PLEKHG7: variants seen among roughly 807,000 people sequenced by gnomAD.
PLEKHG7 encodes the protein pleckstrin homology and RhoGEF domain containing G7.
PLEKHG7 carries 77 observed loss-of-function variants against 85.2 expected under a neutral mutation model. The observed-to-expected ratio is 0.90, with a 90% CI of 0.75 to 1.09. The LOEUF (loss-of-function observed/expected upper bound fraction) is 1.09. Ranked by LOEUF, PLEKHG7 falls within the 50% of genes least tolerant of loss-of-function variation. The pLI is 0.00. For synonymous variants in PLEKHG7, 301 were observed against 302.4 expected, an observed-to-expected ratio of 1.00 and a Z score of 0.05; for missense variants, 777 against 804.3, an observed-to-expected ratio of 0.97 and a Z score of 0.41.
rs568169624 is a variant in PLEKHG7, at chr12:92,748,241, C to G, written c.1251+2650C>G. Among the ~76,000 whole-genome samples, 3 of 134,580 alleles carry G rather than the reference C, an allele frequency of 2.2e-5. No individual in the cohort carries two copies. In the East Asian group the frequency reaches 7.4e-4, roughly 33 times the overall value. The allele number at this position is 134,580 out of a possible 152,430, so 88.3% of individuals were successfully genotyped here. A position where few individuals can be genotyped will look rare whatever the true frequency, so the allele number is the denominator to read the frequency against. ...TAGTAGAGGATAAGTGCTGTTATAA[C>G]ACATGATGCTTTTTTTTTTTTTTGA... On this transcript the variant is annotated intron_variant, in intron 10 of 16. Transcript: ENST00000344636.
At chr12:92,730,621 T>C (rs1267224743) in intron 4 of PLEKHG7, among the ~76,000 whole-genome samples, 1 of 152,212 alleles carries the variant, frequency 6.6e-6, no homozygotes, top group Non-Finnish European at 1.5e-5. Flanking sequence ...AGTTTCAACA[T>C]ATTGGTCAGG....
Position 92,764,207 on chromosome 12 carries a change from TTTCATTA to T in PLEKHG7, c.1870+18_1870+24del, listed in dbSNP as rs1282029955. On this transcript the variant is annotated intron_variant, in intron 15 of 16. Transcript: ENST00000344636. ...CTCCATGTGTCAGGTATGTGTCTAT[TTTCATTA>T]TTCAGCTCATCTGTTTGCCATCACA... 1 of 1,593,196 alleles carries T rather than the reference TTTCATTA, an allele frequency of 6.3e-7. No individual in the cohort carries two copies. Among genetic ancestry groups the T allele is most frequent in the African/African-American group, 1.3e-5 (1 of 74,246 alleles).
At chr12:92,729,657 G>A (rs745509936) in intron 4 of PLEKHG7, among the ~76,000 whole-genome samples, 1 of 152,132 alleles carries the variant, frequency 6.6e-6, no homozygotes, top group Non-Finnish European at 1.5e-5. Context: ...GGTCTTCAGA[G>A]TGTTTTCTTC....
chr12:92,760,331 T>C (rs1226096715), intron 13 of PLEKHG7, among the ~76,000 whole-genome samples: 1 of 152,108 alleles, frequency 6.6e-6, no homozygotes, highest in Non-Finnish European at 1.5e-5. Flanking sequence ...TTAATATGAT[T>C]TTTAAAAAAA....
chr12:92,716,749 A>G (rs1871502834), intron 3 of PLEKHG7, among the ~76,000 whole-genome samples: 1 of 152,218 alleles, frequency 6.6e-6, no homozygotes, highest in Non-Finnish European at 1.5e-5. Flanking sequence ...TAATTTCTAA[A>G]ACACTATATT....
chr12:92,727,927 G>GGTGA (rs1403793756), intron 3 of PLEKHG7, among the ~76,000 whole-genome samples: 2 of 84,980 alleles, frequency 2.4e-5, no homozygotes, highest in Admixed American at 1.5e-4. Flanking sequence ...GGTATTCTAT[G>GGTGA]GTGTGTGTGT....
chr12:92,765,298 G>A (rs1457894020), intron 15 of PLEKHG7, among the ~76,000 whole-genome samples: 1 of 149,682 alleles, frequency 6.7e-6, no homozygotes, highest in Non-Finnish European at 1.5e-5. Context: ...ACCAGCCTGG[G>A]CAACATAGTG....
intron 7 of PLEKHG7, among the ~76,000 whole-genome samples, chr12:92,738,414 T>C (rs1872245710): frequency 6.6e-6 from 1 of 152,128 alleles, no homozygotes; most frequent in Non-Finnish European, 1.5e-5. Context: ...CAGATCTGAG[T>C]TCAAGCCCTG....
At chr12:92,729,212 G>A in intron 4 of PLEKHG7, 92 bp downstream of exon 4, 1 of 1,204,944 alleles carries the variant, frequency 8.3e-7, no homozygotes, top group Admixed American at 4.2e-5. Flanking sequence ...TGAATAATTA[G>A]TAGAATATAT....
At chr12:92,746,839 G>A (rs1165882364) in intron 10 of PLEKHG7, among the ~76,000 whole-genome samples, 1 of 152,154 alleles carries the variant, frequency 6.6e-6, no homozygotes, top group Non-Finnish European at 1.5e-5. Context: ...GCAGAAGAAT[G>A]AAAGTAGACC....
rs573200760 is a variant in PLEKHG7 at position 92,736,562 on chromosome 12, C to T, written c.780C>T (p.Asp260=). Reference sequence around the variant, plus strand: ...AAATTACCAGCTTCAGGGGCTATGACTTCTACGGTCTTAAGGTATCTTTCA... The same window carrying T: ...AAATTACCAGCTTCAGGGGCTATGATTTCTACGGTCTTAAGGTATCTTTCA... ...SVKITSFRGY[D]FYGLKDKTWD... The change falls in exon 6 of 17, where the codon GAC becomes GAT. Residue 260 remains aspartate (D), a synonymous_variant. Coordinates refer to ENST00000344636, the MANE Select transcript of PLEKHG7 (RefSeq NM_001377329.1). 7.7e-5 allele frequency: 94 copies of T among 1,227,916 alleles called. No homozygotes were observed. The African/African-American group carries it at 1.2e-3, about 16-fold the overall frequency. The allele number at this position is 1,227,916 out of a possible 1,614,324, so 76.1% of individuals were successfully genotyped here.
At chr12:92,761,638 GA>G (rs551248942) in intron 13 of PLEKHG7, 113 bp from the exon 14 acceptor site, 144 of 519,420 alleles carry the variant, frequency 2.8e-4, no homozygotes, top group African/African-American at 1.5e-3. Flanking sequence ...AAGAAAGAAA[GA>G]AAGAAAGAAA....
chr12:92,768,434 A>G (rs1873283501), intron 15 of PLEKHG7, among the ~76,000 whole-genome samples: 1 of 152,052 alleles, frequency 6.6e-6, no homozygotes, highest in Non-Finnish European at 1.5e-5. Context: ...TTTACATTTC[A>G]CCCAGTTTGG....
intron 2 of PLEKHG7, chr12:92,707,386 G>A: frequency 1.4e-6 from 2 of 1,427,448 alleles, no homozygotes; most frequent in Non-Finnish European, 1.8e-6. Context: ...GAGAAAGGAT[G>A]CACCAAGGCC....
intron 7 of PLEKHG7, among the ~76,000 whole-genome samples, chr12:92,739,444 A>G (rs941254709): frequency 6.6e-6 from 1 of 152,172 alleles, no homozygotes; most frequent in African/African-American, 2.4e-5. Context: ...GGTAACAATA[A>G]ATGTTCACCG....
intron 3 of PLEKHG7, among the ~76,000 whole-genome samples, chr12:92,726,157 C>T (rs993925742): frequency 7.6e-4 from 115 of 152,242 alleles, no homozygotes; most frequent in African/African-American, 2.5e-3. Context: ...AAGGCTGACA[C>T]TCATATAGAA....
chr12:92,765,645 A>G (rs986138283), intron 15 of PLEKHG7, among the ~76,000 whole-genome samples: 1 of 151,220 alleles, frequency 6.6e-6, no homozygotes, highest in Admixed American at 6.6e-5. Context: ...AAAAAAAAAA[A>G]TAGTGAGGTA....
intron 5 of PLEKHG7, among the ~76,000 whole-genome samples, chr12:92,735,496 A>G (rs187721520): frequency 5.3e-4 from 81 of 152,362 alleles, no homozygotes; most frequent in African/African-American, 1.8e-3. Context: ...AAAACTGTTT[A>G]GATCCATGCC....
At chr12:92,766,220 C>T (rs186814006) in intron 15 of PLEKHG7, among the ~76,000 whole-genome samples, 1 of 152,290 alleles carries the variant, frequency 6.6e-6, no homozygotes, top group East Asian at 1.9e-4. Context: ...GTTTAGTTTA[C>T]TTTTTCATGG....
Sources: allele counts gnomAD v4.1 joint callset (sites outside exome capture counted in the v4.1 genomes callset), GRCh38; gene constraint gnomAD v4.1.1; transcripts MANE v1.5; gene names NCBI Gene and HGNC (gene_info 2026-07-23, HGNC 2026-07-21).